Variants in KIAA0513 observed in about 807,000 individuals in gnomAD.
KIAA0513 encodes KIAA0513, also known as uncharacterized protein KIAA0513.
KIAA0513 carries 39 observed loss-of-function variants against 56.5 expected under a neutral mutation model. That is an observed-to-expected ratio of 0.69 (90% CI 0.53 to 0.90). The LOEUF (loss-of-function observed/expected upper bound fraction) is 0.90. Ranked by LOEUF, KIAA0513 falls within the 40% of genes least tolerant of loss-of-function variation. The probability of loss-of-function intolerance (pLI) is 0.00; values close to 1 mark genes in which losing one functional copy is unlikely to be tolerated. For synonymous variants in KIAA0513, 268 were observed against 215.6 expected (o/e 1.24, Z -2.13); for missense variants, 591 against 535.2 (o/e 1.10, Z -1.03).
intron 1 of KIAA0513, among the ~76,000 whole-genome samples, chr16:85,051,833 T>G (rs1485024982): frequency 6.6e-6 from 1 of 151,824 alleles, no homozygotes; most frequent in African/African-American, 2.4e-5. Flanking sequence ...TTTTTTTTTT[T>G]TTAAGAGACG....
intron 2 of KIAA0513, among the ~76,000 whole-genome samples, chr16:85,070,809 T>A (rs1597628551): frequency 6.6e-6 from 1 of 152,282 alleles, no homozygotes; most frequent in South Asian, 2.1e-4. Context: ...CACACGCTGG[T>A]TAACGAAAGG....
At chr16:85,083,462 C>T (rs1208752089) in intron 10 of KIAA0513, among the ~76,000 whole-genome samples, 6 of 151,936 alleles carry the variant, frequency 3.9e-5, no homozygotes, top group Admixed American at 1.3e-4. Context: ...TAACAAACAC[C>T]TCCTTTCATG....
intron 1 of KIAA0513, among the ~76,000 whole-genome samples, chr16:85,043,570 C>T (rs1313925712): frequency 2.6e-5 from 4 of 151,968 alleles, no homozygotes; most frequent in African/African-American, 9.7e-5. Flanking sequence ...CGCCACCACA[C>T]CCGACTAATC....
chr16:85,067,307 C>A lies in KIAA0513; in HGVS notation c.236C>A (p.Ser79Tyr), dbSNP rs1397573140. The A allele has an allele frequency of 1.9e-6, 3 of 1,611,946 alleles. No homozygotes were observed. The highest frequency in any genetic ancestry group is 2.7e-5 in the African/African-American group (2 of 74,464). Reference sequence around the variant, plus strand: ...CGTTCCTCCTCCAACGAGTCCTTCTCCTCCAACCAGAGCACCGAGTCTACC... The same window carrying A: ...CGTTCCTCCTCCAACGAGTCCTTCTACTCCAACCAGAGCACCGAGTCTACC... ...DRRSSSNESF[S>Y]SNQSTESTQD... is the part of the protein sequence containing the mutation. Residue 79 changes from serine (S) to tyrosine (Y), a missense_variant, in exon 2 of 13, where the codon TCC (serine) becomes TAC (tyrosine). Coordinates refer to ENST00000683363, the MANE Select transcript of KIAA0513 (RefSeq NM_001388359.1).
chr16:85,084,875 T>C (rs1335739704), intron 10 of KIAA0513, among the ~76,000 whole-genome samples: 1 of 152,216 alleles, frequency 6.6e-6, no homozygotes, highest in Admixed American at 6.5e-5. Flanking sequence ...AACTCAGTTG[T>C]AAGAAGTGAT....
chr16:85,055,080 G>A (rs1342856236), intron 1 of KIAA0513, among the ~76,000 whole-genome samples: 10 of 152,086 alleles, frequency 6.6e-5, no homozygotes, highest in Admixed American at 4.6e-4. Context: ...GTGGCACCAC[G>A]CCCAGCTAAT....
At chr16:85,062,984 T>G (rs2073426883) in intron 1 of KIAA0513, among the ~76,000 whole-genome samples, 1 of 152,166 alleles carries the variant, frequency 6.6e-6, no homozygotes, top group South Asian at 2.1e-4. Flanking sequence ...CTTAGATCTG[T>G]GAGCGAGCCC....
chr16:85,033,897 C>T (rs2073000514), intron 1 of KIAA0513, among the ~76,000 whole-genome samples: 2 of 152,026 alleles, frequency 1.3e-5, no homozygotes, highest in South Asian at 2.1e-4. Context: ...TTCCCAGTTA[C>T]CCTCCCCAGT....
Position 85,039,190 on chromosome 16 carries a change from C to T in KIAA0513, c.-173+11332C>T, listed in dbSNP as rs138956453. ...GCTGCTATAGAGGTCACGGAATAGT[C>T]AGTGCCATTGGAAGCCTATTTTAAC... On this transcript the variant is annotated intron_variant, in intron 1 of 12. Coordinates refer to ENST00000683363, the MANE Select transcript of KIAA0513 (RefSeq NM_001388359.1). 9.3e-3 allele frequency among the ~76,000 whole-genome samples: 1,412 copies of T among 152,336 alleles called. 20 individuals carry two copies. Among genetic ancestry groups the T allele is most frequent in the African/African-American group, 0.032 (1,342 of 41,568 alleles).
chr16:85,028,627 G>A (rs569411032), intron 1 of KIAA0513, among the ~76,000 whole-genome samples: 1 of 134,606 alleles, frequency 7.4e-6, no homozygotes, highest in East Asian at 2.5e-4. Context: ...CCCCACCCCC[G>A]CCCTTGTCCT....
At position 85,088,755 on chromosome 16, in the gene KIAA0513, T is replaced by C. The variant is rs1193471427; in HGVS notation, c.*430T>C. ...GGAGGGCCGGCGCTGCCACTCACGG[T>C]GGGTGGCCGTGGGCCACCTTCCCTG... is the stretch of plus-strand genomic sequence containing the variant. On this transcript the variant is annotated 3_prime_UTR_variant, in exon 13 of 13. Transcript: ENST00000683363. The C allele has an allele frequency of 1.2e-5, 2 of 172,830 alleles. No homozygotes were observed. The highest frequency in any genetic ancestry group is 2.5e-5 in the Non-Finnish European group (2 of 81,292). 10.7% of individuals were successfully genotyped at this position (172,830 alleles called of 1,614,324 possible).
At chr16:85,038,177 A>C (rs754253951) in intron 1 of KIAA0513, among the ~76,000 whole-genome samples, 28 of 152,128 alleles carry the variant, frequency 1.8e-4, no homozygotes, top group Non-Finnish European at 2.8e-4. Context: ...GTCGCCGTAG[A>C]TAGAATGGCC....
chr16:85,032,863 C>G (rs2143831326), intron 1 of KIAA0513, among the ~76,000 whole-genome samples: 1 of 152,166 alleles, frequency 6.6e-6, no homozygotes, highest in Middle Eastern at 3.4e-3. Flanking sequence ...ATCTCCTGAC[C>G]TCATGATCCG....
intron 3 of KIAA0513, among the ~76,000 whole-genome samples, chr16:85,072,694 A>T (rs927001120): frequency 6.6e-6 from 1 of 152,164 alleles, no homozygotes; most frequent in African/African-American, 2.4e-5. Flanking sequence ...TGGGAAGGAC[A>T]CCGAGGGGAA....
chr16:85,033,863 G>T (rs969518899), intron 1 of KIAA0513, among the ~76,000 whole-genome samples: 1 of 152,126 alleles, frequency 6.6e-6, no homozygotes, highest in African/African-American at 2.4e-5. Context: ...GTCGTAGTTT[G>T]TCTCTCCCTG....
chr16:85,075,433 G>C (rs1261159815), intron 4 of KIAA0513, among the ~76,000 whole-genome samples: 1 of 152,216 alleles, frequency 6.6e-6, no homozygotes, highest in Non-Finnish European at 1.5e-5. Flanking sequence ...GGGAGCCTGA[G>C]AGCCAGGGAT....
Position 85,081,321 on chromosome 16 carries a change from T to A in KIAA0513, c.909T>A (p.Thr303=). ...CTGGGGCTCTGTCTTGCAGGCACAC[T>A]CTGAGGTTCTGGAATGCAGCCTTTT... is the stretch of plus-strand genomic sequence containing the variant. The part of the protein sequence containing the change: ...THLKQQPIWH[T]LRFWNAAFFD... The change falls in exon 9 of 13, where the codon ACT becomes ACA. Residue 303 remains threonine (T), a synonymous_variant. Transcript: ENST00000683363. This position sits in a 1 kb window ranked among gnomAD's most constrained non-coding sequence, Gnocchi z 4.4. 6.2e-7 allele frequency: 1 copy of A among 1,611,878 alleles called. No individual in the cohort carries two copies. The highest frequency in any genetic ancestry group is 8.5e-7 in the Non-Finnish European group (1 of 1,179,118).
intron 1 of KIAA0513, among the ~76,000 whole-genome samples, chr16:85,035,106 C>T (rs1284027109): frequency 6.6e-6 from 1 of 152,122 alleles, no homozygotes; most frequent in Non-Finnish European, 1.5e-5. Context: ...CTGTCAAAAT[C>T]CCAGGCCCCA....
At chr16:85,040,994 A>G (rs1430704453) in intron 1 of KIAA0513, among the ~76,000 whole-genome samples, 1 of 152,228 alleles carries the variant, frequency 6.6e-6, no homozygotes, top group African/African-American at 2.4e-5. Flanking sequence ...GCATTTGCAT[A>G]TTGCAAAGCA....
Sources: gnomAD v4.1 joint callset for allele counts (sites outside exome capture counted in the v4.1 genomes callset) on GRCh38, gnomAD v4.1.1 for gene constraint, Gnocchi (gnomAD v3.1) non-coding constraint, MANE v1.5 for transcripts, NCBI Gene and HGNC (gene_info 2026-07-23, HGNC 2026-07-21) for gene names.